The following RCAN1 variants were observed in gnomAD, a reference collection of about 807,000 sequenced individuals.
RCAN1 encodes the protein calcipressin-1.
Under a neutral mutation model 22.9 loss-of-function variants are expected in RCAN1, and 11 were observed. That is an observed-to-expected ratio of 0.48 (90% CI 0.30 to 0.79). RCAN1 has a LOEUF of 0.79. Ranked by LOEUF, RCAN1 falls within the 30% of genes least tolerant of loss-of-function variation. The pLI is 0.06. For synonymous variants in RCAN1, 136 were observed against 142.3 expected (o/e 0.96, Z 0.32); for missense variants, 291 against 337.8 (o/e 0.86, Z 1.09).
At chr21:34,559,807 T>C (rs914348114) in intron 1 of RCAN1, 1 of 152,196 alleles carries the variant, frequency 6.6e-6, no homozygotes, top group Non-Finnish European at 1.5e-5. Context: ...ACTACTTGCC[T>C]AAGGTCAGGC....
chr21:34,604,679 G>A (rs924432311), intron 1 of RCAN1, among the ~76,000 whole-genome samples: 3 of 152,204 alleles, frequency 2.0e-5, no homozygotes, highest in Admixed American at 1.3e-4. Context: ...TACCTTATGA[G>A]GGTGTGGGGA....
At chr21:34,545,205 C>A (rs1190458386) in intron 1 of RCAN1, among the ~76,000 whole-genome samples, 13 of 152,186 alleles carry the variant, frequency 8.5e-5, no homozygotes, top group Admixed American at 7.9e-4. Flanking sequence ...TCAGTGTCAC[C>A]TCAAGTTTGC....
chr21:34,597,277 AAATT>A (rs1226942028), intron 1 of RCAN1, among the ~76,000 whole-genome samples: 6 of 152,226 alleles, frequency 3.9e-5, no homozygotes, highest in African/African-American at 1.4e-4. Flanking sequence ...ATTTAAATGA[AAATT>A]AATTAAAATG....
chr21:34,534,317 T>G (rs1985567836), intron 1 of RCAN1, among the ~76,000 whole-genome samples: 1 of 151,880 alleles, frequency 6.6e-6, no homozygotes, highest in African/African-American at 2.4e-5. Flanking sequence ...GAACTCTTGT[T>G]CATCCTTTAA....
At chr21:34,538,165 G>A (rs758216881) in intron 1 of RCAN1, among the ~76,000 whole-genome samples, 1 of 152,208 alleles carries the variant, frequency 6.6e-6, no homozygotes, top group Non-Finnish European at 1.5e-5. Context: ...AATGGCATTC[G>A]AAGACACAGA....
chr21:34,581,641 G>A (rs535142443), intron 1 of RCAN1, among the ~76,000 whole-genome samples: 19 of 152,220 alleles, frequency 1.2e-4, no homozygotes, highest in African/African-American at 4.6e-4. Flanking sequence ...CAGTGTATAT[G>A]AGGAAAAAAA....
rs1400313535 is a variant in RCAN1 at position 34,563,792 on chromosome 21, T to TAG, written c.253-40083_253-40082insCT. Among the ~76,000 whole-genome samples, 721 of 74,624 alleles carry TAG rather than the reference T, an allele frequency of 9.7e-3. 2 individuals carry two copies. The highest frequency in any genetic ancestry group is 0.016 in the East Asian group (57 of 3,506). The allele number at this position is 74,624 out of a possible 152,430, so 49.0% of individuals were successfully genotyped here. ...AAAAATATATATATATATATATATA[T>TAG]ATAGAGAGAGAGAGAGAGAGAGAGA... On this transcript the variant is annotated intron_variant, in intron 1 of 3. Coordinates refer to ENST00000313806, the MANE Select transcript of RCAN1 (RefSeq NM_004414.7).
At chr21:34,613,962 A>ACATTTTAT (rs1216043314) in intron 1 of RCAN1, 1 of 888,390 alleles carries the variant, frequency 1.1e-6, no homozygotes, top group African/African-American at 1.7e-5. Flanking sequence ...CACGTTGTCC[A>ACATTTTAT]CATTTTATTC....
At chr21:34,604,395 G>T (rs1988459911) in intron 1 of RCAN1, among the ~76,000 whole-genome samples, 1 of 152,260 alleles carries the variant, frequency 6.6e-6, no homozygotes, top group Middle Eastern at 3.4e-3. Flanking sequence ...GCCTCCCAAA[G>T]TGCTGAAATT....
At chr21:34,534,544 T>C (rs1985577939) in intron 1 of RCAN1, among the ~76,000 whole-genome samples, 1 of 152,140 alleles carries the variant, frequency 6.6e-6, no homozygotes, top group Non-Finnish European at 1.5e-5. Context: ...GACAAAAGCT[T>C]GTGCAAGTCA....
intron 1 of RCAN1, chr21:34,613,800 T>C: frequency 6.7e-7 from 1 of 1,499,554 alleles, no homozygotes; most frequent in Non-Finnish European, 9.0e-7. Context: ...CACCATTCTG[T>C]TTCACAGTGG....
chr21:34,545,393 A>T (rs1239429904), intron 1 of RCAN1, among the ~76,000 whole-genome samples: 1 of 152,180 alleles, frequency 6.6e-6, no homozygotes, highest in African/African-American at 2.4e-5. Context: ...ACTGAAAACT[A>T]ATTTCAGCCC....
At chr21:34,604,122 A>C (rs780561951) in intron 1 of RCAN1, among the ~76,000 whole-genome samples, 16 of 152,080 alleles carry the variant, frequency 1.1e-4, no homozygotes, top group Non-Finnish European at 2.1e-4. Flanking sequence ...ACTGGACAGA[A>C]TCCGTCTTGG....
chr21:34,583,764 T>C (rs1987699999), intron 1 of RCAN1, among the ~76,000 whole-genome samples: 1 of 152,170 alleles, frequency 6.6e-6, no homozygotes, highest in Non-Finnish European at 1.5e-5. Context: ...CTGATAGAGA[T>C]AGCCTCAATT....
chr21:34,560,823 A>G (rs1006717701), intron 1 of RCAN1, among the ~76,000 whole-genome samples: 5 of 152,186 alleles, frequency 3.3e-5, no homozygotes, highest in African/African-American at 1.2e-4. Flanking sequence ...TAAAGAAACA[A>G]AAGAGAGCAA....
chr21:34,604,466 G>A (rs1988462068), intron 1 of RCAN1, among the ~76,000 whole-genome samples: 1 of 151,990 alleles, frequency 6.6e-6, no homozygotes, highest in African/African-American at 2.4e-5. Flanking sequence ...CTGACACAGG[G>A]GTCATCTCAG....
intron 1 of RCAN1, among the ~76,000 whole-genome samples, chr21:34,605,785 T>A (rs1176473232): frequency 6.6e-6 from 1 of 151,934 alleles, no homozygotes; most frequent in Admixed American, 6.6e-5. Flanking sequence ...CCGGGCGTGG[T>A]GGCAGGCACC....
At position 34,614,037 on chromosome 21, in the gene RCAN1, C is replaced by T. The variant is rs1988751624; in HGVS notation, c.252+723G>A. 6.6e-6 allele frequency among the ~76,000 whole-genome samples: 1 copy of T among 152,230 alleles called. No individual in the cohort carries two copies. Among genetic ancestry groups the T allele is most frequent in the Admixed American group, 6.5e-5 (1 of 15,284 alleles). On this transcript the variant is annotated intron_variant, in intron 1 of 3. Coordinates refer to ENST00000313806, the MANE Select transcript of RCAN1 (RefSeq NM_004414.7). The surrounding 1 kb of genome is among the most constrained non-coding windows in gnomAD (Gnocchi z 6.0). Reference sequence around the variant, plus strand: ...CACCACCATTATTGATTACTCATACCTGCCCCTCACCCTCCAAAGTGTCTA... The same window carrying T: ...CACCACCATTATTGATTACTCATACTTGCCCCTCACCCTCCAAAGTGTCTA...
At chr21:34,569,013 G>A (rs137940931) in intron 1 of RCAN1, among the ~76,000 whole-genome samples, 147 of 152,326 alleles carry the variant, frequency 9.7e-4, no homozygotes, top group Non-Finnish European at 1.3e-3. Flanking sequence ...CAGATCTTGT[G>A]AGACTTATTC....
Sources: gnomAD v4.1 joint callset for allele counts (sites outside exome capture counted in the v4.1 genomes callset) on GRCh38, gnomAD v4.1.1 for gene constraint, Gnocchi (gnomAD v3.1) non-coding constraint, MANE v1.5 for transcripts, NCBI Gene and HGNC (gene_info 2026-07-23, HGNC 2026-07-21) for gene names.